The following ASXL1 variants were observed in gnomAD, a reference collection of about 807,000 sequenced individuals.
ASXL1 encodes ASXL transcriptional regulator 1.
A neutral mutation model predicts 89.1 loss-of-function variants in ASXL1; 65 were observed. That is an observed-to-expected ratio of 0.73 (90% CI 0.60 to 0.90). The LOEUF (loss-of-function observed/expected upper bound fraction) is 0.90. ASXL1 is among the 40% of genes least tolerant of loss of function. The pLI is 0.00. For synonymous variants in ASXL1, 739 were observed against 746.9 expected, an observed-to-expected ratio of 0.99 and a Z score of 0.17; for missense variants, 1,786 against 1,942.9, an observed-to-expected ratio of 0.92 and a Z score of 1.52.
In ASXL1 at chr20:32,434,887, AAAG is replaced by A; in HGVS notation, c.2176_2178del (p.Lys726del). 6.2e-7 allele frequency: 1 copy of A among 1,614,156 alleles called. No homozygotes were observed. The highest frequency in any genetic ancestry group is 2.2e-5 in the East Asian group (1 of 44,886). ...GGAGAGAGGACCTGCCTTCTCTGAG[AAAG>A]GAGGAAAGCTGCCTACTACAGAGGG... On this transcript the variant is annotated inframe_deletion, in exon 13 of 13. Coordinates refer to ENST00000375687, the MANE Select transcript of ASXL1 (RefSeq NM_015338.6).
At chr20:32,367,290 G>A (rs2048221607) in intron 2 of ASXL1, among the ~76,000 whole-genome samples, 1 of 152,204 alleles carries the variant, frequency 6.6e-6, no homozygotes, top group Non-Finnish European at 1.5e-5. Context: ...GGAGGCTGGA[G>A]AATCGCTTGA....
At chr20:32,421,209 C>T (rs952920254) in intron 4 of ASXL1, among the ~76,000 whole-genome samples, 13 of 144,134 alleles carry the variant, frequency 9.0e-5, no homozygotes, top group African/African-American at 2.3e-4. Context: ...ACATTCTGCA[C>T]ATGTATCCCA....
At chr20:32,395,763 C>T (rs1343718906) in intron 4 of ASXL1, among the ~76,000 whole-genome samples, 2 of 152,138 alleles carry the variant, frequency 1.3e-5, no homozygotes, top group African/African-American at 4.8e-5. Flanking sequence ...ATCTGTTACT[C>T]TTATCCAGAA....
At chr20:32,384,643 C>T (rs556567573) in intron 4 of ASXL1, among the ~76,000 whole-genome samples, 2 of 152,274 alleles carry the variant, frequency 1.3e-5, no homozygotes, top group East Asian at 3.9e-4. Context: ...GAAGAGAGAA[C>T]TTGATTGTTT....
rs552015072 is a variant in ASXL1 at position 32,374,255 on chromosome 20, A to C, written c.252+5132A>C. ...GCAATCCTCCCATCTTGGCTTCCCA[A>C]AGTGCTGGGATTATAGGCATGAGCC... is the stretch of plus-strand genomic sequence containing the variant. On this transcript the variant is annotated intron_variant, in intron 4 of 12. Transcript: ENST00000375687. 7.9e-5 allele frequency among the ~76,000 whole-genome samples: 12 copies of C among 152,238 alleles called. No individual in the cohort carries two copies. The East Asian group carries it at 2.3e-3, about 29-fold the overall frequency.
At chr20:32,381,816 C>T (rs1460622347) in intron 4 of ASXL1, among the ~76,000 whole-genome samples, 3 of 151,894 alleles carry the variant, frequency 2.0e-5, no homozygotes, top group Non-Finnish European at 2.9e-5. Context: ...GCCTGGCCGC[C>T]TCTTATCAAA....
intron 4 of ASXL1, among the ~76,000 whole-genome samples, chr20:32,375,869 A>G (rs975835598): frequency 5.3e-5 from 8 of 151,862 alleles, no homozygotes; most frequent in African/African-American, 1.2e-4. Flanking sequence ...TTTAATAGAG[A>G]TGGGGTTTTG....
At chr20:32,383,915 T>G (rs2048532151) in intron 4 of ASXL1, among the ~76,000 whole-genome samples, 1 of 152,200 alleles carries the variant, frequency 6.6e-6, no homozygotes, top group African/African-American at 2.4e-5. Flanking sequence ...CCTGATCTCC[T>G]AAGGCATCTT....
At chr20:32,375,417 G>A (rs1600485787) in intron 4 of ASXL1, among the ~76,000 whole-genome samples, 1 of 150,240 alleles carries the variant, frequency 6.7e-6, no homozygotes. Context: ...CCACTGCACT[G>A]TAGCCTGGGT....
intron 8 of ASXL1, chr20:32,430,961 T>C (rs2011495408): frequency 2.1e-6 from 1 of 470,138 alleles, no homozygotes; most frequent in Non-Finnish European, 3.9e-6. Context: ...AGATTTACTT[T>C]TAGATAATTC....
intron 4 of ASXL1, among the ~76,000 whole-genome samples, chr20:32,382,547 A>G (rs1352327592): frequency 6.6e-6 from 1 of 151,196 alleles, no homozygotes; most frequent in African/African-American, 2.4e-5. Flanking sequence ...AGTCGTCAGG[A>G]AGTCACTTGA....
rs1227251383 is a variant in ASXL1, at chr20:32,379,003, ACG to A, written c.252+9882_252+9883del. 2.0e-5 allele frequency among the ~76,000 whole-genome samples: 3 copies of A among 151,450 alleles called. No individual in the cohort carries two copies. The East Asian group carries it at 5.8e-4, about 29-fold the overall frequency. ...AAAACCTAGCCAGGTGTGGTGGTGA[ACG>A]CCTGTAGTCCCAGCTACTCGGGAGG... is the stretch of plus-strand genomic sequence containing the variant. On this transcript the variant is annotated intron_variant, in intron 4 of 12. Coordinates refer to ENST00000375687, the MANE Select transcript of ASXL1 (RefSeq NM_015338.6).
At position 32,436,656 on chromosome 20, in the gene ASXL1, A is replaced by C; in HGVS notation, c.3944A>C (p.Gln1315Pro). 6.2e-7 allele frequency: 1 copy of C among 1,614,010 alleles called. No homozygotes were observed. Among genetic ancestry groups the C allele is most frequent in the Middle Eastern group, 1.6e-4 (1 of 6,062 alleles). ...TCTGGGAATGTGGCTGCAACCCTTC[A>C]GCGCCCCAGGCCTGCGGACCCGATG... ...FGSGNVAATL[Q>P]RPRPADPMPL... The change falls in exon 13 of 13, where the codon CAG (glutamine) becomes CCG (proline). Residue 1315 changes from glutamine to proline, a missense_variant. Physicochemically the swap from Gln to Pro is moderately conservative, Grantham distance 76 (BLOSUM62 -1). Transcript: ENST00000375687.
rs2011858574 is a variant in ASXL1, at chr20:32,436,227, C to T, written c.3515C>T (p.Ala1172Val). 13 of 1,614,118 alleles carry T rather than the reference C, an allele frequency of 8.1e-6. No homozygotes were observed. Among genetic ancestry groups the T allele is most frequent in the Non-Finnish European group, 1.1e-5 (13 of 1,180,050 alleles). The change falls in exon 13 of 13, where the codon GCT (alanine) becomes GTT (valine). Residue 1172 changes from alanine to valine, a missense_variant. By Grantham distance (64) the Ala-to-Val change is moderately conservative (BLOSUM62 0). Coordinates refer to ENST00000375687, the MANE Select transcript of ASXL1 (RefSeq NM_015338.6). ...GGAAGCAGCCCCAGTTCTTTAAGGGCTTTGAAGGAGCCTCTTCTGCCAGAT... is the reference window on the plus strand; with the variant it reads ...GGAAGCAGCCCCAGTTCTTTAAGGGTTTTGAAGGAGCCTCTTCTGCCAGAT... ...VDGSSPSSLRALKEPLLPDSC... is the reference protein window; with the variant it reads ...VDGSSPSSLRVLKEPLLPDSC...
chr20:32,421,623 A>G (rs1016221027), intron 4 of ASXL1, among the ~76,000 whole-genome samples: 1 of 152,194 alleles, frequency 6.6e-6, no homozygotes, highest in African/African-American at 2.4e-5. Flanking sequence ...AATGTCCATC[A>G]AGAGAGAATA....
chr20:32,376,480 T>C (rs995880196), intron 4 of ASXL1, among the ~76,000 whole-genome samples: 1 of 151,710 alleles, frequency 6.6e-6, no homozygotes, highest in Non-Finnish European at 1.5e-5. Flanking sequence ...TTTACCATGT[T>C]GGCCAGGCTG....
chr20:32,365,642 TAAAGC>T (rs958378415), intron 1 of ASXL1, among the ~76,000 whole-genome samples: 21 of 152,264 alleles, frequency 1.4e-4, no homozygotes, highest in African/African-American at 4.6e-4. Context: ...AAACAACTCT[TAAAGC>T]AAGAGAGCTG....
intron 3 of ASXL1, among the ~76,000 whole-genome samples, chr20:32,368,312 A>G (rs1428828303): frequency 1.3e-5 from 2 of 152,178 alleles, no homozygotes; most frequent in African/African-American, 4.8e-5. Context: ...CACGTTTTGT[A>G]ACCTGCTGTT....
chr20:32,404,457 A>G (rs2048922618), intron 4 of ASXL1, among the ~76,000 whole-genome samples: 1 of 152,212 alleles, frequency 6.6e-6, no homozygotes, highest in Non-Finnish European at 1.5e-5. Flanking sequence ...TTGCTAATAT[A>G]TAGACATTAT....
Sources: gnomAD v4.1 joint callset for allele counts (sites outside exome capture counted in the v4.1 genomes callset) on GRCh38, gnomAD v4.1.1 for gene constraint, MANE v1.5 for transcripts, NCBI Gene and HGNC (gene_info 2026-07-23, HGNC 2026-07-21) for gene names.